GOLIM4: variants seen among roughly 807,000 people sequenced by gnomAD.
GOLIM4 encodes golgi integral membrane protein 4, also known as 130 kDa golgi-localized phosphoprotein.
Under a neutral mutation model 107.4 loss-of-function variants are expected in GOLIM4, and 71 were observed. The observed-to-expected ratio is 0.66, with a 90% confidence interval of 0.55 to 0.81. GOLIM4 has a LOEUF of 0.81. Among genes scored for constraint, GOLIM4 ranks in the 30% least tolerant of loss-of-function variants. GOLIM4 has a pLI of 0.00. For synonymous variants in GOLIM4, 327 were observed against 294.8 expected, an observed-to-expected ratio of 1.11 and a Z score of -1.12; for missense variants, 830 against 826.1, an observed-to-expected ratio of 1.00 and a Z score of -0.06.
intron 1 of GOLIM4, among the ~76,000 whole-genome samples, chr3:168,065,870 T>C (rs1226483522): frequency 6.6e-6 from 1 of 152,222 alleles, no homozygotes; most frequent in Non-Finnish European, 1.5e-5. Flanking sequence ...CTGAAAAGTA[T>C]TTCATAACTA....
chr3:168,049,702 C>T (rs1410771217), intron 1 of GOLIM4, among the ~76,000 whole-genome samples: 1 of 152,178 alleles, frequency 6.6e-6, no homozygotes, highest in Non-Finnish European at 1.5e-5. Flanking sequence ...CAGAAAACTC[C>T]CTTTCCCCAT....
At chr3:168,012,139 G>GAAAAA (rs759942945) in intron 14 of GOLIM4, among the ~76,000 whole-genome samples, 1 of 110,796 alleles carries the variant, frequency 9.0e-6, no homozygotes, top group African/African-American at 8.0e-5. Context: ...TGAAAACTTT[G>GAAAAA]AAAAAAATTT....
intron 14 of GOLIM4, among the ~76,000 whole-genome samples, chr3:168,016,353 C>T (rs1172943220): frequency 2.2e-5 from 3 of 133,420 alleles, no homozygotes; most frequent in South Asian, 2.1e-4. Flanking sequence ...TACCATCTCA[C>T]ACCAGTTAGA....
At chr3:168,078,800 A>T (rs1462419749) in intron 1 of GOLIM4, among the ~76,000 whole-genome samples, 2 of 152,196 alleles carry the variant, frequency 1.3e-5, no homozygotes, top group Non-Finnish European at 2.9e-5. Context: ...AAAGAGAAAA[A>T]GCACATGCCC....
At position 168,033,374 on chromosome 3, in the gene GOLIM4, G is replaced by C. The variant is rs1718443106; in HGVS notation, c.844-522C>G. On this transcript the variant is annotated intron_variant, in intron 8 of 15. Coordinates refer to ENST00000470487, the MANE Select transcript of GOLIM4 (RefSeq NM_014498.5). ...TAATCCCAGCACTTTGGGAGGTCGAGGCGGGTGGATCACGAGGTCAGGAGA... is the reference window on the plus strand; with the variant it reads ...TAATCCCAGCACTTTGGGAGGTCGACGCGGGTGGATCACGAGGTCAGGAGA... Among the ~76,000 whole-genome samples, 3 of 152,056 alleles carry C rather than the reference G, an allele frequency of 2.0e-5. No individual in the cohort carries two copies. The South Asian group carries it at 6.2e-4, about 32-fold the overall frequency.
intron 14 of GOLIM4, among the ~76,000 whole-genome samples, chr3:168,015,241 C>T: frequency 7.5e-6 from 1 of 134,096 alleles, no homozygotes; most frequent in Non-Finnish European, 1.5e-5. Flanking sequence ...TCTTACACAC[C>T]AGCAACAGAC....
rs564819661 is a variant in GOLIM4 at position 168,056,707 on chromosome 3, G to A, written c.188-8342C>T. Reference sequence around the variant, plus strand: ...CTGTCCTGCTGGATTTTGGTCTTGCGTGGGGCCCCCAGCCCTTGTGTTTTG... The same window carrying A: ...CTGTCCTGCTGGATTTTGGTCTTGCATGGGGCCCCCAGCCCTTGTGTTTTG... On this transcript the variant is annotated intron_variant, in intron 1 of 15. Coordinates refer to ENST00000470487, the MANE Select transcript of GOLIM4 (RefSeq NM_014498.5). 4.6e-5 allele frequency among the ~76,000 whole-genome samples: 7 copies of A among 152,314 alleles called. No individual in the cohort carries two copies. In the East Asian group the frequency reaches 7.7e-4, roughly 17 times the overall value.
intron 1 of GOLIM4, among the ~76,000 whole-genome samples, chr3:168,093,331 C>T (rs1212553953): frequency 2.0e-5 from 3 of 152,166 alleles, no homozygotes; most frequent in Non-Finnish European, 2.9e-5. Context: ...TGAACTTACT[C>T]GCCACAGTTC....
intron 1 of GOLIM4, among the ~76,000 whole-genome samples, chr3:168,062,647 G>A (rs1047011738): frequency 6.6e-6 from 1 of 152,168 alleles, no homozygotes; most frequent in Non-Finnish European, 1.5e-5. Context: ...AGTAATAGCA[G>A]AGGCTTTGCA....
chr3:168,089,509 T>C (rs1347523038), intron 1 of GOLIM4, among the ~76,000 whole-genome samples: 1 of 152,230 alleles, frequency 6.6e-6, no homozygotes, highest in African/African-American at 2.4e-5. Flanking sequence ...ATCCTGATTA[T>C]TACATATGAA....
chr3:168,027,716 G>A lies in GOLIM4; in HGVS notation c.1623+12C>T. The A allele has an allele frequency of 6.7e-7, 1 of 1,487,264 alleles. No individual in the cohort carries two copies. The highest frequency in any genetic ancestry group is 9.4e-7 in the Non-Finnish European group (1 of 1,064,294). 92.1% of individuals were successfully genotyped at this position (1,487,264 alleles called of 1,614,324 possible). On this transcript the variant is annotated intron_variant, in intron 12 of 15. Transcript: ENST00000470487. ...GTTTACATGTGTCAGGGGCAGAAGA[G>A]AGGATACTTACATCTGCCTCAGATT...
chr3:168,093,476 A>G (rs1413204704), intron 1 of GOLIM4, among the ~76,000 whole-genome samples: 1 of 152,234 alleles, frequency 6.6e-6, no homozygotes, highest in African/African-American at 2.4e-5. Context: ...AGACCAAGGC[A>G]CACACAACCT....
chr3:168,063,613 T>C (rs978589315), intron 1 of GOLIM4, among the ~76,000 whole-genome samples: 1 of 150,980 alleles, frequency 6.6e-6, no homozygotes, highest in African/African-American at 2.4e-5. Context: ...TATCACTGCA[T>C]AGCATGTAAA....
intron 4 of GOLIM4, among the ~76,000 whole-genome samples, chr3:168,044,241 C>T (rs914477116): frequency 3.9e-5 from 6 of 152,046 alleles, no homozygotes; most frequent in African/African-American, 1.5e-4. Flanking sequence ...GGGGGAGGCA[C>T]GGTGGGGTGG....
intron 1 of GOLIM4, among the ~76,000 whole-genome samples, chr3:168,057,042 G>T (rs1245046807): frequency 6.6e-6 from 1 of 152,106 alleles, no homozygotes; most frequent in East Asian, 1.9e-4. Flanking sequence ...CATATGTTGA[G>T]GGGGGGACCC....
At chr3:168,089,035 C>T (rs1197262140) in intron 1 of GOLIM4, among the ~76,000 whole-genome samples, 1 of 152,168 alleles carries the variant, frequency 6.6e-6, no homozygotes, top group Non-Finnish European at 1.5e-5. Context: ...GTGGGCACAA[C>T]GTGTGAAATC....
At chr3:168,023,362 G>C (rs1717817931) in intron 14 of GOLIM4, among the ~76,000 whole-genome samples, 1 of 152,194 alleles carries the variant, frequency 6.6e-6, no homozygotes. Flanking sequence ...AGAACAAAAA[G>C]ATCAAGCCAG....
chr3:168,012,293 T>C lies in GOLIM4; in HGVS notation c.1861-1470A>G, dbSNP rs572067748. ...CAACTGTAAGAAAGGGTATCAGCGATGGAAGATGAAATGAATGAAATGAAG... is the reference window on the plus strand; with the variant it reads ...CAACTGTAAGAAAGGGTATCAGCGACGGAAGATGAAATGAATGAAATGAAG... On this transcript the variant is annotated intron_variant, in intron 14 of 15. Transcript: ENST00000470487. 4.0e-4 allele frequency among the ~76,000 whole-genome samples: 55 copies of C among 137,572 alleles called. 3 individuals are homozygous for C. The highest frequency in any genetic ancestry group is 1.9e-3 in the African/African-American group (54 of 28,410). 90.3% of individuals were successfully genotyped at this position (137,572 alleles called of 152,430 possible).
At chr3:168,066,916 T>G (rs986956536) in intron 1 of GOLIM4, among the ~76,000 whole-genome samples, 1 of 152,098 alleles carries the variant, frequency 6.6e-6, no homozygotes, top group African/African-American at 2.4e-5. Context: ...ATAAGAAAAA[T>G]AAATCACTTA....
Sources: allele counts gnomAD v4.1 joint callset (sites outside exome capture counted in the v4.1 genomes callset), GRCh38; gene constraint gnomAD v4.1.1; transcripts MANE v1.5; gene names NCBI Gene and HGNC (gene_info 2026-07-23, HGNC 2026-07-21).